RIMS1: variants seen among roughly 807,000 people sequenced by gnomAD.
RIMS1 encodes the protein regulating synaptic membrane exocytosis protein 1.
RIMS1 carries 83 observed loss-of-function variants against 214.1 expected under a neutral mutation model. The observed-to-expected ratio is 0.39, with a 90% CI of 0.32 to 0.47. The LOEUF (loss-of-function observed/expected upper bound fraction) is 0.47. RIMS1 is among the 20% of genes least tolerant of loss of function. The pLI is 0.99. For missense variants in RIMS1, 2,050 were observed against 2,161.8 expected (o/e 0.95, Z 1.03); for synonymous variants, 793 against 786.8 (o/e 1.01, Z -0.13).
intron 2 of RIMS1, among the ~76,000 whole-genome samples, chr6:72,031,528 A>G (rs1818100497): frequency 6.6e-6 from 1 of 152,132 alleles, no homozygotes; most frequent in African/African-American, 2.4e-5. Context: ...TAATTATAGA[A>G]CTCAGATTCT....
At chr6:72,289,480 T>C (rs2092978122) in intron 24 of RIMS1, among the ~76,000 whole-genome samples, 1 of 152,154 alleles carries the variant, frequency 6.6e-6, no homozygotes, top group African/African-American at 2.4e-5. Flanking sequence ...GTTTCAGCGT[T>C]TGAATTATGA....
chr6:72,366,079 A>G (rs150594025), intron 29 of RIMS1, among the ~76,000 whole-genome samples: 222 of 152,322 alleles, frequency 1.5e-3, no homozygotes, highest in African/African-American at 4.3e-3. Flanking sequence ...AGCATAAGGC[A>G]TGGTATGTAA....
chr6:72,160,682 C>T (rs1281340948), intron 4 of RIMS1, among the ~76,000 whole-genome samples: 4 of 140,732 alleles, frequency 2.8e-5, no homozygotes, highest in Non-Finnish European at 4.8e-5. Context: ...TGCTGGCTTA[C>T]GTTTATTGAT....
intron 1 of RIMS1, among the ~76,000 whole-genome samples, chr6:71,903,425 T>C (rs1281953103): frequency 6.6e-6 from 1 of 152,118 alleles, no homozygotes; most frequent in Non-Finnish European, 1.5e-5. Context: ...GGCAATACCA[T>C]TCAGGATACA....
chr6:72,368,757 T>C (rs545313060), intron 29 of RIMS1, among the ~76,000 whole-genome samples: 11 of 152,274 alleles, frequency 7.2e-5, no homozygotes, highest in African/African-American at 2.4e-4. Context: ...ATTTAAAGTT[T>C]ATTGCATTAA....
chr6:72,115,123 A>C (rs1373518063), intron 4 of RIMS1, among the ~76,000 whole-genome samples: 1 of 151,804 alleles, frequency 6.6e-6, no homozygotes, highest in Admixed American at 6.6e-5. Context: ...TTAATCTTAC[A>C]CTTCTTGGTC....
rs2078733647 is a variant in RIMS1 at position 72,262,978 on chromosome 6, T to C, written c.3117-1997T>C. The C allele has an allele frequency of 1.7e-5, 9 of 541,020 alleles. No individual in the cohort carries two copies. The South Asian group carries it at 3.3e-4, about 20-fold the overall frequency. 33.5% of individuals were successfully genotyped at this position (541,020 alleles called of 1,614,324 possible). A position where few individuals can be genotyped will look rare whatever the true frequency, so the allele number is the denominator to read the frequency against. The stretch of plus-strand genomic sequence containing the variant: ...TATGTTATGAATATTATTATCCTGA[T>C]TTTAGAGATGAGGAAAAAAGCTACG... On this transcript the variant is annotated intron_variant, in intron 19 of 33. Transcript: ENST00000521978.
At chr6:72,007,021 G>A (rs1173657278) in intron 2 of RIMS1, among the ~76,000 whole-genome samples, 1 of 152,182 alleles carries the variant, frequency 6.6e-6, no homozygotes, top group African/African-American at 2.4e-5. Context: ...CGGACAGACT[G>A]GCTTTTCAAG....
intron 19 of RIMS1, chr6:72,261,745 A>G: frequency 3.0e-6 from 3 of 985,320 alleles, no homozygotes; most frequent in Non-Finnish European, 3.6e-6. Context: ...CCAATAATGC[A>G]AACAAAATTG....
At position 71,918,726 on chromosome 6, in the gene RIMS1, G is replaced by C. The variant is rs780825975; in HGVS notation, c.164+31539G>C. Among the ~76,000 whole-genome samples the C allele has an allele frequency of 1.1e-4, 16 of 152,104 alleles. 1 individual carries two copies. The highest frequency in any genetic ancestry group is 2.2e-4 in the Non-Finnish European group (15 of 68,014). On this transcript the variant is annotated intron_variant, in intron 1 of 33. Transcript: ENST00000521978. ...TAATGGGATCAAAGTCTTTGCATAA[G>C]CCATTGTGGATGAGCTTGAGCAGAA...
intron 6 of RIMS1, among the ~76,000 whole-genome samples, chr6:72,203,672 T>G (rs961708158): frequency 1.3e-5 from 2 of 152,164 alleles, no homozygotes; most frequent in East Asian, 3.8e-4. Flanking sequence ...TGTGCTGGAG[T>G]AGCACCAAAA....
intron 2 of RIMS1, among the ~76,000 whole-genome samples, chr6:72,085,815 G>A (rs1002347536): frequency 1.3e-5 from 2 of 152,058 alleles, no homozygotes; most frequent in African/African-American, 2.4e-5. Context: ...CTCTTACAAA[G>A]CAATAACTTT....
intron 2 of RIMS1, among the ~76,000 whole-genome samples, chr6:71,989,234 A>G (rs1800874365): frequency 6.6e-6 from 1 of 152,220 alleles, no homozygotes; most frequent in Non-Finnish European, 1.5e-5. Context: ...TCAAATTAAA[A>G]ATAATGCTTC....
chr6:71,908,479 G>A (rs1775929201), intron 1 of RIMS1, among the ~76,000 whole-genome samples: 1 of 152,180 alleles, frequency 6.6e-6, no homozygotes, highest in African/African-American at 2.4e-5. Flanking sequence ...GGTGGACACT[G>A]CTTCATATGA....
At chr6:72,032,252 G>C (rs917398530) in intron 2 of RIMS1, among the ~76,000 whole-genome samples, 4 of 152,028 alleles carry the variant, frequency 2.6e-5, no homozygotes, top group African/African-American at 9.7e-5. Context: ...AGAAAGAATG[G>C]AATGTGTGAG....
chr6:72,124,109 C>A (rs562326541), intron 4 of RIMS1, among the ~76,000 whole-genome samples: 118 of 151,838 alleles, frequency 7.8e-4, no homozygotes, highest in African/African-American at 2.8e-3. Context: ...AGTGGCTGGT[C>A]CCAGTTGTTC....
intron 28 of RIMS1, among the ~76,000 whole-genome samples, chr6:72,314,030 A>G (rs1297391462): frequency 6.6e-6 from 1 of 152,186 alleles, no homozygotes; most frequent in Non-Finnish European, 1.5e-5. Flanking sequence ...CAATGTCATT[A>G]TAGTGTGACA....
chr6:72,007,471 G>A (rs190738829), intron 2 of RIMS1, among the ~76,000 whole-genome samples: 39 of 152,302 alleles, frequency 2.6e-4, no homozygotes, highest in Middle Eastern at 3.4e-3. Context: ...AAAGCTGGAC[G>A]GATAATGACT....
At chr6:72,361,024 G>T (rs1251936795) in intron 29 of RIMS1, among the ~76,000 whole-genome samples, 1 of 141,382 alleles carries the variant, frequency 7.1e-6, no homozygotes, top group East Asian at 2.2e-4. Context: ...AAATAAAAGA[G>T]AAATTTAGGG....
Sources: gnomAD v4.1 joint callset for allele counts (sites outside exome capture counted in the v4.1 genomes callset) on GRCh38, gnomAD v4.1.1 for gene constraint, MANE v1.5 for transcripts, NCBI Gene and HGNC (gene_info 2026-07-23, HGNC 2026-07-21) for gene names.